SLC25A21: variants seen among roughly 807,000 people sequenced by gnomAD.
SLC25A21 encodes the protein mitochondrial 2-oxodicarboxylate carrier.
SLC25A21 carries 47 observed loss-of-function variants against 43.8 expected under a neutral mutation model. The observed-to-expected ratio is 1.07, with a 90% CI of 0.85 to 1.37. SLC25A21 has a LOEUF of 1.37. Ranked by LOEUF, SLC25A21 falls within the 40% of genes most tolerant of loss-of-function variation. The pLI, the probability that SLC25A21 is intolerant of heterozygous loss-of-function variation, is 0.00. For synonymous variants in SLC25A21, 131 were observed against 121.3 expected (o/e 1.08, Z -0.52); for missense variants, 352 against 350.2 (o/e 1.00, Z -0.04).
chr14:37,079,526 T>C (rs905552557), intron 1 of SLC25A21, among the ~76,000 whole-genome samples: 7 of 152,320 alleles, frequency 4.6e-5, no homozygotes, highest in African/African-American at 1.7e-4. Flanking sequence ...CACACAACCC[T>C]TGGAGTTACC....
intron 1 of SLC25A21, among the ~76,000 whole-genome samples, chr14:36,990,018 T>C (rs185285166): frequency 6.6e-6 from 1 of 152,298 alleles, no homozygotes; most frequent in Admixed American, 6.5e-5. Context: ...AAAGTAGAAC[T>C]CTAAGTACGA....
rs549142517 is a variant in SLC25A21, at chr14:36,875,418, CAT to C, written c.71-416_71-415del. On this transcript the variant is annotated intron_variant, in intron 1 of 9. Transcript: ENST00000331299. ...CTCCCAGCTTTGGTATGTTAGTAAA[CAT>C]AGCAAATCAGAAACCTCAGTTTCAG... 1.8e-4 allele frequency among the ~76,000 whole-genome samples: 27 copies of C among 152,238 alleles called. No individual in the cohort carries two copies. In the South Asian group the frequency reaches 5.6e-3, roughly 32 times the overall value.
intron 1 of SLC25A21, among the ~76,000 whole-genome samples, chr14:36,972,338 CT>C (rs1959770393): frequency 6.6e-6 from 1 of 152,140 alleles, no homozygotes; most frequent in South Asian, 2.1e-4. Context: ...CGATTCATGA[CT>C]ATATTTCAAT....
chr14:36,935,441 C>T (rs1318380684), intron 1 of SLC25A21, among the ~76,000 whole-genome samples: 3 of 152,154 alleles, frequency 2.0e-5, no homozygotes, highest in Admixed American at 6.6e-5. Flanking sequence ...TGAGTCTGCA[C>T]ACTGTGGTTC....
chr14:36,926,169 C>T (rs775609877), intron 1 of SLC25A21, among the ~76,000 whole-genome samples: 7 of 151,908 alleles, frequency 4.6e-5, no homozygotes, highest in Admixed American at 1.3e-4. Flanking sequence ...GATTTCTGAC[C>T]GTAACAGAAT....
intron 1 of SLC25A21, among the ~76,000 whole-genome samples, chr14:37,036,693 CCCACACTT>C (rs1264515471): frequency 6.6e-6 from 1 of 152,172 alleles, no homozygotes. Flanking sequence ...CTACCCATTC[CCCACACTT>C]CCAAAATTTT....
At chr14:36,900,148 G>C (rs1427835164) in intron 1 of SLC25A21, among the ~76,000 whole-genome samples, 1 of 151,864 alleles carries the variant, frequency 6.6e-6, no homozygotes, top group Non-Finnish European at 1.5e-5. Flanking sequence ...TCCTGCTTCA[G>C]AGAAGCACAC....
chr14:37,075,287 C>G (rs1169184686), intron 1 of SLC25A21, among the ~76,000 whole-genome samples: 1 of 152,020 alleles, frequency 6.6e-6, no homozygotes, highest in Non-Finnish European at 1.5e-5. Flanking sequence ...CTAGATTTTA[C>G]TGGAAGCTAT....
At chr14:36,880,170 G>A (rs764251297) in intron 1 of SLC25A21, among the ~76,000 whole-genome samples, 11 of 152,148 alleles carry the variant, frequency 7.2e-5, no homozygotes, top group Non-Finnish European at 1.5e-4. Flanking sequence ...AGTGGTTTGA[G>A]CAACATCTGG....
chr14:37,059,815 C>T (rs193170283), intron 1 of SLC25A21, among the ~76,000 whole-genome samples: 85 of 152,232 alleles, frequency 5.6e-4, no homozygotes, highest in African/African-American at 2.0e-3. Context: ...GGAGTCAGTA[C>T]AGTCCGCACT....
Position 36,729,531 on chromosome 14 carries a change from T to C in SLC25A21, c.306A>G (p.Gly102=), listed in dbSNP as rs1167830460. The C allele has an allele frequency of 1.2e-6, 2 of 1,609,274 alleles. No homozygotes were observed. The highest frequency in any genetic ancestry group is 1.7e-5 in the Admixed American group (1 of 59,196). ...FTFEQYKKLL[G]YVSLSPALTF... ...CCAATGCTGGTGACAGTGACACATA[T>C]CCCAGCAATTTCTTGTACTGCTCAA... Residue 102 remains glycine, a synonymous_variant, in exon 5 of 10, where the codon GGA becomes GGG. Coordinates refer to ENST00000331299, the MANE Select transcript of SLC25A21 (RefSeq NM_030631.4).
At chr14:37,091,417 G>A (rs1422413390) in intron 1 of SLC25A21, among the ~76,000 whole-genome samples, 4 of 149,014 alleles carry the variant, frequency 2.7e-5, no homozygotes, top group African/African-American at 7.4e-5. Flanking sequence ...CCAGGTGACA[G>A]AATGAGACTC....
chr14:36,977,063 C>T (rs1179939222), intron 1 of SLC25A21, among the ~76,000 whole-genome samples: 1 of 152,194 alleles, frequency 6.6e-6, no homozygotes, highest in Non-Finnish European at 1.5e-5. Context: ...CATTTGCATG[C>T]CCTGTATTTC....
chr14:37,042,300 G>A (rs1025549780), intron 1 of SLC25A21, among the ~76,000 whole-genome samples: 2 of 152,060 alleles, frequency 1.3e-5, no homozygotes, highest in African/African-American at 4.8e-5. Context: ...AGTTATGTTG[G>A]GGAGGGGGAA....
At chr14:36,705,580 C>T (rs903756172) in intron 7 of SLC25A21, among the ~76,000 whole-genome samples, 7 of 152,108 alleles carry the variant, frequency 4.6e-5, no homozygotes, top group Non-Finnish European at 7.3e-5. Flanking sequence ...CCCACTTAAT[C>T]TCTCTCTGTC....
At chr14:36,881,206 G>A (rs1253218105) in intron 1 of SLC25A21, among the ~76,000 whole-genome samples, 4 of 152,072 alleles carry the variant, frequency 2.6e-5, no homozygotes, top group East Asian at 1.9e-4. Context: ...AAAAACTAAC[G>A]ACAGAAAACA....
chr14:37,058,313 C>G (rs1282770084), intron 1 of SLC25A21, among the ~76,000 whole-genome samples: 1 of 152,214 alleles, frequency 6.6e-6, no homozygotes, highest in African/African-American at 2.4e-5. Flanking sequence ...GATCCTCACT[C>G]TTTTGGAAGA....
At chr14:36,743,479 GA>G (rs1344005322) in intron 3 of SLC25A21, among the ~76,000 whole-genome samples, 2 of 151,930 alleles carry the variant, frequency 1.3e-5, no homozygotes, top group African/African-American at 4.8e-5. Context: ...TGAAAACCAG[GA>G]AAGACAACCC....
intron 1 of SLC25A21, among the ~76,000 whole-genome samples, chr14:37,164,580 G>A (rs1029093981): frequency 1.6e-4 from 24 of 152,000 alleles, no homozygotes; most frequent in African/African-American, 5.8e-4. Flanking sequence ...TTACCCCCTG[G>A]TGTATCAGCC....
Sources: allele counts gnomAD v4.1 joint callset (sites outside exome capture counted in the v4.1 genomes callset), GRCh38; gene constraint gnomAD v4.1.1; transcripts MANE v1.5; gene names NCBI Gene and HGNC (gene_info 2026-07-23, HGNC 2026-07-21).